The following CECR2 variants were observed in gnomAD, a reference collection of about 807,000 sequenced individuals.
The protein encoded by CECR2 is CECR2 histone acetyl-lysine reader.
Under a neutral mutation model 154.5 loss-of-function variants are expected in CECR2, and 30 were observed. The observed-to-expected ratio is 0.19, with a 90% confidence interval of 0.15 to 0.26. The LOEUF (loss-of-function observed/expected upper bound fraction) is 0.26. Among genes scored for constraint, CECR2 ranks in the 10% least tolerant of loss-of-function variants. CECR2 has a pLI of 1.00. For missense variants in CECR2, 1,743 were observed against 1,829.3 expected, an observed-to-expected ratio of 0.95 and a Z score of 0.86; for synonymous variants, 725 against 683.7, an observed-to-expected ratio of 1.06 and a Z score of -0.94.
chr22:17,465,770 A>G (rs2055022197), intron 1 of CECR2, among the ~76,000 whole-genome samples: 1 of 152,150 alleles, frequency 6.6e-6, no homozygotes, highest in African/African-American at 2.4e-5. Context: ...GGCGTGAGCC[A>G]TCACGCCCAG....
rs186884512 is a variant in CECR2 at position 17,512,721 on chromosome 22, A to G, written c.954+825A>G. Among the ~76,000 whole-genome samples, 252 of 129,570 alleles carry G rather than the reference A, an allele frequency of 1.9e-3. 2 individuals carry two copies. The East Asian group carries it at 0.025, about 13-fold the overall frequency. 85.0% of individuals were successfully genotyped at this position (129,570 alleles called of 152,430 possible). A position where few individuals can be genotyped will look rare whatever the true frequency, so the allele number is the denominator to read the frequency against. On this transcript the variant is annotated intron_variant, in intron 8 of 18. Transcript: ENST00000262608. ...ACTCTGTCTCAGAAAAAAAAAAAAA[A>G]AAAGAAAGAAAGAAAAGAAAACCTG...
chr22:17,386,312 G>A (rs917086832), intron 1 of CECR2, among the ~76,000 whole-genome samples: 22 of 152,110 alleles, frequency 1.4e-4, no homozygotes, highest in Admixed American at 7.2e-4. Flanking sequence ...GAGAGGATAA[G>A]ACCTGTCAAA....
In CECR2 at chr22:17,477,701, T is replaced by A. The variant is rs1328662090; in HGVS notation, c.221+19T>A. 6.5e-7 allele frequency: 1 copy of A among 1,545,276 alleles called. No homozygotes were observed. The highest frequency in any genetic ancestry group is 8.9e-7 in the Non-Finnish European group (1 of 1,117,904). ...ATATCACGTGAGTAATTCTGATCTT[T>A]CTAAGCATTTCTTGCGCCAAGAACT... On this transcript the variant is annotated intron_variant, in intron 2 of 18. Coordinates refer to ENST00000262608, the MANE Select transcript of CECR2 (RefSeq NM_001290047.2).
chr22:17,365,461 A>G (rs2062997112), upstream of CECR2, among the ~76,000 whole-genome samples: 1 of 152,140 alleles, frequency 6.6e-6, no homozygotes, highest in South Asian at 2.1e-4. Flanking sequence ...TTGGGAGGCC[A>G]AGGTGGGCGG....
intron 16 of CECR2, among the ~76,000 whole-genome samples, chr22:17,544,637 C>T (rs987586343): frequency 6.6e-6 from 1 of 151,404 alleles, no homozygotes; most frequent in Non-Finnish European, 1.5e-5. Flanking sequence ...ATGGCAAAAC[C>T]CCATTCTACT....
intron 1 of CECR2, among the ~76,000 whole-genome samples, chr22:17,408,141 C>T (rs1052869772): frequency 6.6e-6 from 1 of 152,128 alleles, no homozygotes; most frequent in African/African-American, 2.4e-5. Context: ...GTGCAGCTGT[C>T]GTTTCTATCT....
chr22:17,485,856 C>G (rs1467534372), intron 2 of CECR2, among the ~76,000 whole-genome samples: 2 of 152,150 alleles, frequency 1.3e-5, no homozygotes, highest in Non-Finnish European at 2.9e-5. Flanking sequence ...GCTAATTTCC[C>G]AAAATTACTG....
intron 1 of CECR2, among the ~76,000 whole-genome samples, chr22:17,410,622 A>AT (rs2054054659): frequency 6.6e-6 from 1 of 151,950 alleles, no homozygotes; most frequent in Non-Finnish European, 1.5e-5. Context: ...TAATTTTTGT[A>AT]TTTTTAGCAG....
At chr22:17,546,353 T>G (rs367838271) in intron 16 of CECR2, among the ~76,000 whole-genome samples, 1 of 151,664 alleles carries the variant, frequency 6.6e-6, no homozygotes, top group Non-Finnish European at 1.5e-5. Flanking sequence ...CAGCATGGTG[T>G]CGGGCGCCTG....
chr22:17,385,557 C>T (rs2063248189), intron 1 of CECR2, among the ~76,000 whole-genome samples: 2 of 151,958 alleles, frequency 1.3e-5, no homozygotes, highest in African/African-American at 4.8e-5. Flanking sequence ...CCTTGGTGCC[C>T]CAAAACATTT....
At chr22:17,477,486 T>A in intron 1 of CECR2, 102 bp from the exon 2 acceptor site, 1 of 786,550 alleles carries the variant, frequency 1.3e-6, no homozygotes, top group Non-Finnish European at 2.2e-6. Context: ...CTTCCGCTGC[T>A]GGGACCATTC....
chr22:17,419,503 AAGAGGAG>A (rs1459972214), intron 1 of CECR2: 218 of 162,106 alleles, frequency 1.3e-3, no homozygotes, highest in African/African-American at 9.5e-3. Context: ...CAGGAAGAGG[AAGAGGAG>A]GAAGAAGAAG....
intron 1 of CECR2, among the ~76,000 whole-genome samples, chr22:17,458,069 T>TGTTCTTCATCTTAATTGTGGGG: frequency 6.6e-6 from 1 of 152,204 alleles, no homozygotes; most frequent in South Asian, 2.1e-4. Context: ...GTGATAGCAC[T>TGTTCTTCATCTTAATTGTGGGG]GTTCTTCATC....
At chr22:17,492,736 G>C (rs2055553870) in intron 2 of CECR2, among the ~76,000 whole-genome samples, 1 of 152,092 alleles carries the variant, frequency 6.6e-6, no homozygotes, top group Non-Finnish European at 1.5e-5. Flanking sequence ...AATTCCGTTT[G>C]GTTTGATCTT....
chr22:17,530,296 G>A (rs532762771), intron 9 of CECR2, among the ~76,000 whole-genome samples: 7 of 150,846 alleles, frequency 4.6e-5, no homozygotes, highest in Admixed American at 1.3e-4. Context: ...TGCCGCGCCC[G>A]GCACATGACT....
At chr22:17,509,247 AAAG>A (rs1011316749) in intron 7 of CECR2, among the ~76,000 whole-genome samples, 21 of 152,172 alleles carry the variant, frequency 1.4e-4, no homozygotes, top group Non-Finnish European at 2.9e-4. Context: ...GGAGAAAAAA[AAAG>A]AAAAGAAAAT....
intron 1 of CECR2, among the ~76,000 whole-genome samples, chr22:17,376,486 G>A (rs2063120210): frequency 6.8e-6 from 1 of 146,268 alleles, no homozygotes; most frequent in Non-Finnish European, 1.5e-5. Context: ...ATGGTGTGCT[G>A]GGGCTCGCAC....
At chr22:17,523,014 A>AGGCGG (rs1184925448) in intron 8 of CECR2, among the ~76,000 whole-genome samples, 1 of 145,962 alleles carries the variant, frequency 6.9e-6, no homozygotes, top group Non-Finnish European at 1.5e-5. Flanking sequence ...CGGGGGGAAA[A>AGGCGG]AAAAAAGCCT....
At chr22:17,526,961 G>C (rs1032345650) in intron 9 of CECR2, among the ~76,000 whole-genome samples, 1 of 152,094 alleles carries the variant, frequency 6.6e-6, no homozygotes, top group African/African-American at 2.4e-5. Context: ...AAGTTAAAAA[G>C]CTTCTGCACA....
Sources: gnomAD v4.1 joint callset for allele counts (sites outside exome capture counted in the v4.1 genomes callset) on GRCh38, gnomAD v4.1.1 for gene constraint, MANE v1.5 for transcripts, NCBI Gene and HGNC (gene_info 2026-07-23, HGNC 2026-07-21) for gene names.